REG4: variants seen among roughly 807,000 people sequenced by gnomAD.
REG4 encodes regenerating family member 4, also known as regenerating islet-derived protein 4.
REG4 carries 16 observed loss-of-function variants against 22.3 expected under a neutral mutation model. The observed-to-expected ratio is 0.72, with a 90% CI of 0.49 to 1.09. REG4 has a LOEUF of 1.09. Ranked by LOEUF, REG4 falls within the 50% of genes least tolerant of loss-of-function variation. The pLI is 0.00. For missense variants in REG4, 214 were observed against 193.9 expected (o/e 1.10, Z -0.61); for synonymous variants, 71 against 69.2 (o/e 1.03, Z -0.13).
chr1:119,800,969 C>A (rs1015354908), intron 3 of REG4, among the ~76,000 whole-genome samples: 1 of 152,176 alleles, frequency 6.6e-6, no homozygotes, highest in African/African-American at 2.4e-5. Context: ...GTCTGCATAT[C>A]GATCCCCAAT....
chr1:119,795,680 G>A (rs1653917024), intron 5 of REG4, among the ~76,000 whole-genome samples: 2 of 152,184 alleles, frequency 1.3e-5, no homozygotes, highest in South Asian at 4.1e-4. Flanking sequence ...GGGGAGAGGA[G>A]GGGGTGAGGT....
chr1:119,799,784 A>C lies in REG4; in HGVS notation c.244T>G (p.Tyr82Asp), dbSNP rs1654043279. 6.2e-7 allele frequency: 1 copy of C among 1,613,900 alleles called. No homozygotes were observed. The highest frequency in any genetic ancestry group is 8.5e-7 in the Non-Finnish European group (1 of 1,180,018). Residue 82 changes from tyrosine to aspartate, a missense_variant, in exon 4 of 6, where the codon TAC (tyrosine) becomes GAC (aspartate). Physicochemically the swap from Tyr to Asp is radical, Grantham distance 160. Coordinates refer to ENST00000256585, the MANE Select transcript of REG4 (RefSeq NM_032044.4). ...TGGCTTCTCTGATAGCCACTTATGT[A>C]CTCTGCTATGGTGCTGGCTTCCTTT... ...SLKEASTIAE[Y>D]ISGYQRSQPI...
At chr1:119,810,863 G>A (rs1451340130) in intron 1 of REG4, among the ~76,000 whole-genome samples, 1 of 152,042 alleles carries the variant, frequency 6.6e-6, no homozygotes, top group Non-Finnish European at 1.5e-5. Context: ...GACCAGCCTG[G>A]CCAACATGGC....
chr1:119,810,869 A>G (rs1215785945), intron 1 of REG4, among the ~76,000 whole-genome samples: 3 of 152,068 alleles, frequency 2.0e-5, no homozygotes, highest in Admixed American at 1.3e-4. Context: ...CCTGGCCAAC[A>G]TGGCACAACC....
At chr1:119,800,762 C>T (rs1654075649) in intron 3 of REG4, among the ~76,000 whole-genome samples, 1 of 152,140 alleles carries the variant, frequency 6.6e-6, no homozygotes, top group Non-Finnish European at 1.5e-5. Flanking sequence ...GAGACTGCTC[C>T]CCGTGCTGGT....
Position 119,803,069 on chromosome 1 carries a change from TC to T in REG4, c.163del (p.Glu55SerfsTer17), listed in dbSNP as rs1330493057. 6.2e-7 allele frequency: 1 copy of T among 1,605,954 alleles called. No individual in the cohort carries two copies. The highest frequency in any genetic ancestry group is 1.1e-5 in the South Asian group (1 of 89,444). Reference sequence around the variant, plus strand: ...CCAAGCAGGCAGCAAGTTTCTTACCTCGGCATCAGACCAGTTCCTCAGCTTC... The same window carrying T: ...CCAAGCAGGCAGCAAGTTTCTTACCTGGCATCAGACCAGTTCCTCAGCTTC... ...FRKLRNWSDA[E>X]LECQSYGNGA... On this transcript the variant is annotated frameshift_variant and splice_region_variant, in exon 3 of 6. Transcript: ENST00000256585. LOFTEE classifies it high-confidence loss of function.
intron 2 of REG4, among the ~76,000 whole-genome samples, chr1:119,804,814 T>C (rs919324686): frequency 4.6e-5 from 7 of 152,198 alleles, no homozygotes; most frequent in Admixed American, 3.9e-4. Context: ...TCTGTGACTG[T>C]TTTCTGCTCT....
At position 119,794,454 on chromosome 1, in the gene REG4, T is replaced by A; in HGVS notation, c.*164A>T. On this transcript the variant is annotated 3_prime_UTR_variant, in exon 6 of 6. Transcript: ENST00000256585. ...GAGCTAGAAGCCACTACTGGGCCAA[T>A]GCTAAAGTTTCTGTCTCTAAGCCTA... The A allele has an allele frequency of 7.2e-6, 5 of 697,900 alleles. No individual in the cohort carries two copies. The East Asian group carries it at 1.2e-4, about 17-fold the overall frequency. The allele number at this position is 697,900 out of a possible 1,614,324, so 43.2% of individuals were successfully genotyped here.
rs148913826 is a variant in REG4, at chr1:119,803,157, T to A, written c.76A>T (p.Met26Leu). 1.3e-6 allele frequency: 2 copies of A among 1,519,342 alleles called. No individual in the cohort carries two copies. Among genetic ancestry groups the A allele is most frequent in the South Asian group, 1.3e-5 (1 of 74,770 alleles). 94.1% of individuals were successfully genotyped at this position (1,519,342 alleles called of 1,614,324 possible). Residue 26 changes from methionine to leucine, a missense_variant, in exon 3 of 6, where the codon ATG becomes TTG. By Grantham distance (15) the Met-to-Leu change is conservative. Coordinates refer to ENST00000256585, the MANE Select transcript of REG4 (RefSeq NM_032044.4). Reference protein sequence around the residue: ...AKTGVLGDIIMRPSCAPGWFY... With the variant: ...AKTGVLGDIILRPSCAPGWFY... ...CATCCAGGAGCACAGCTGGGTCTCATGATGATATCTGCACATAAACAAAAG... is the reference window on the plus strand; with the variant it reads ...CATCCAGGAGCACAGCTGGGTCTCAAGATGATATCTGCACATAAACAAAAG...
Position 119,803,062 on chromosome 1 carries a change from T to C in REG4, c.165+6A>G, listed in dbSNP as rs1244530683. ...GGCCAGGCCAAGCAGGCAGCAAGTT[T>C]CTTACCTCGGCATCAGACCAGTTCC... is the stretch of plus-strand genomic sequence containing the variant. On this transcript the variant is annotated splice_donor_region_variant and intron_variant, in intron 3 of 5. Coordinates refer to ENST00000256585, the MANE Select transcript of REG4 (RefSeq NM_032044.4). The C allele has an allele frequency of 1.2e-6, 2 of 1,607,642 alleles. No individual in the cohort carries two copies. The highest frequency in any genetic ancestry group is 2.7e-5 in the African/African-American group (2 of 74,546).
At chr1:119,807,928 C>T (rs941589499) in intron 2 of REG4, among the ~76,000 whole-genome samples, 11 of 152,182 alleles carry the variant, frequency 7.2e-5, no homozygotes, top group African/African-American at 1.9e-4. Context: ...TCAACAGAGG[C>T]AATGCTCAAG....
intron 4 of REG4, 138 bp downstream of exon 4, chr1:119,799,587 T>G: frequency 9.2e-7 from 1 of 1,089,230 alleles, no homozygotes; most frequent in African/African-American, 1.6e-5. Context: ...CTTGAGACTT[T>G]GGTCTCCGTC....
At chr1:119,796,000 C>T (rs1653930453) in intron 5 of REG4, among the ~76,000 whole-genome samples, 1 of 152,202 alleles carries the variant, frequency 6.6e-6, no homozygotes. Flanking sequence ...GTCTGCTTTT[C>T]CCACCTCATC....
In REG4 at chr1:119,794,414, C is replaced by A; in HGVS notation, c.*204G>T. On this transcript the variant is annotated 3_prime_UTR_variant, in exon 6 of 6. Coordinates refer to ENST00000256585, the MANE Select transcript of REG4 (RefSeq NM_032044.4). ...AGAAGGATACTGTGGAAAGGGATGG[C>A]GGGGCAAACATTTAGAGCTAGAAGC... 1.6e-6 allele frequency: 1 copy of A among 635,658 alleles called. No homozygotes were observed. Among genetic ancestry groups the A allele is most frequent in the South Asian group, 1.9e-5 (1 of 53,972 alleles). 39.4% of individuals were successfully genotyped at this position (635,658 alleles called of 1,614,324 possible). A position where few individuals can be genotyped will look rare whatever the true frequency, so the allele number is the denominator to read the frequency against.
At chr1:119,795,875 C>G (rs1478555077) in intron 5 of REG4, among the ~76,000 whole-genome samples, 1 of 152,272 alleles carries the variant, frequency 6.6e-6, no homozygotes, top group African/African-American at 2.4e-5. Context: ...TTGAGACTGA[C>G]TGTCTCATCA....
intron 5 of REG4, among the ~76,000 whole-genome samples, chr1:119,795,390 T>C (rs1653906129): frequency 6.6e-6 from 1 of 152,146 alleles, no homozygotes; most frequent in Non-Finnish European, 1.5e-5. Context: ...CTGTTCAAAG[T>C]TCAAAGAACT....
rs1653874110 is a variant in REG4 at position 119,794,524 on chromosome 1, GT to G, written c.*93del. 1 of 1,182,392 alleles carries G rather than the reference GT, an allele frequency of 8.5e-7. No individual in the cohort carries two copies. The highest frequency in any genetic ancestry group is 1.7e-5 in the Admixed American group (1 of 59,006). 73.2% of individuals were successfully genotyped at this position (1,182,392 alleles called of 1,614,324 possible). A position where few individuals can be genotyped will look rare whatever the true frequency, so the allele number is the denominator to read the frequency against. The stretch of plus-strand genomic sequence containing the variant: ...GCCCTTATCACTCTTAGTTTGCTAG[GT>G]TTCCCCTCTGAAATAATGAGCAGAT... On this transcript the variant is annotated 3_prime_UTR_variant, in exon 6 of 6. Coordinates refer to ENST00000256585, the MANE Select transcript of REG4 (RefSeq NM_032044.4).
At chr1:119,798,924 T>A (rs1481315165) in intron 4 of REG4, among the ~76,000 whole-genome samples, 5 of 152,178 alleles carry the variant, frequency 3.3e-5, no homozygotes, top group Non-Finnish European at 5.9e-5. Flanking sequence ...AATAATTGTA[T>A]AAAATATTTG....
At chr1:119,808,431 A>G (rs913779097) in intron 2 of REG4, among the ~76,000 whole-genome samples, 4 of 152,230 alleles carry the variant, frequency 2.6e-5, no homozygotes, top group Admixed American at 1.3e-4. Context: ...CAAACACATT[A>G]TCTCTGCCCT....
Sources: gnomAD v4.1 joint callset for allele counts (sites outside exome capture counted in the v4.1 genomes callset) on GRCh38, gnomAD v4.1.1 for gene constraint, MANE v1.5 for transcripts, NCBI Gene and HGNC (gene_info 2026-07-23, HGNC 2026-07-21) for gene names.